Variants in CATSPERB observed in about 807,000 individuals in gnomAD.
CATSPERB encodes the protein cation channel sperm-associated auxiliary subunit beta.
Under a neutral mutation model 128.3 loss-of-function variants are expected in CATSPERB, and 93 were observed. The ratio of observed to expected loss-of-function variants is 0.72; its 90% CI spans 0.61 to 0.86. The LOEUF is 0.86. Among genes scored for constraint, CATSPERB ranks in the 40% least tolerant of loss-of-function variants. The probability of loss-of-function intolerance (pLI) is 0.00; values close to 1 mark genes in which losing one functional copy is unlikely to be tolerated. For missense variants in CATSPERB, 1,153 were observed against 1,329.5 expected, an observed-to-expected ratio of 0.87 and a Z score of 2.06; for synonymous variants, 381 against 448.8, an observed-to-expected ratio of 0.85 and a Z score of 1.91.
chr14:91,612,737 G>A (rs994100431), intron 20 of CATSPERB, among the ~76,000 whole-genome samples: 10 of 152,096 alleles, frequency 6.6e-5, no homozygotes, highest in South Asian at 2.1e-4. Context: ...TAAGAATAAC[G>A]TATTTTTATT....
intron 7 of CATSPERB, among the ~76,000 whole-genome samples, chr14:91,697,890 A>G (rs367669208): frequency 1.3e-5 from 2 of 152,194 alleles, no homozygotes. Flanking sequence ...TGAATTTTAG[A>G]CTAGTTTTTT....
At chr14:91,661,088 T>A (rs1174000696) in intron 14 of CATSPERB, among the ~76,000 whole-genome samples, 4 of 152,156 alleles carry the variant, frequency 2.6e-5, no homozygotes, top group Non-Finnish European at 5.9e-5. Flanking sequence ...CAATCCATGA[T>A]CCAAAGCATA....
At chr14:91,683,679 A>G (rs905743250) in intron 11 of CATSPERB, among the ~76,000 whole-genome samples, 198 bp downstream of exon 11, 4 of 152,270 alleles carry the variant, frequency 2.6e-5, no homozygotes, top group Non-Finnish European at 4.4e-5. Context: ...GACTCAAGAT[A>G]GCCACTGGGA....
chr14:91,601,952 A>G (rs1163234402), intron 22 of CATSPERB, among the ~76,000 whole-genome samples: 2 of 152,184 alleles, frequency 1.3e-5, no homozygotes, highest in African/African-American at 2.4e-5. Flanking sequence ...TGCATTCTAC[A>G]GTGATATTTA....
At chr14:91,657,564 T>C (rs933021151) in intron 15 of CATSPERB, among the ~76,000 whole-genome samples, 1 of 151,990 alleles carries the variant, frequency 6.6e-6, no homozygotes, top group East Asian at 1.9e-4. Context: ...AAAGAAACAA[T>C]TAACAAAGTG....
intron 4 of CATSPERB, among the ~76,000 whole-genome samples, chr14:91,719,719 C>T (rs143900022): frequency 6.6e-6 from 1 of 152,174 alleles, no homozygotes; most frequent in Non-Finnish European, 1.5e-5. Flanking sequence ...TGAAAATATT[C>T]ATCAGTTATG....
At chr14:91,700,325 G>T (rs1488867116) in intron 7 of CATSPERB, among the ~76,000 whole-genome samples, 1 of 152,100 alleles carries the variant, frequency 6.6e-6, no homozygotes, top group Non-Finnish European at 1.5e-5. Context: ...ATTTTGTCAA[G>T]AATTTTTCTG....
At chr14:91,686,792 C>G (rs1388606516) in intron 10 of CATSPERB, among the ~76,000 whole-genome samples, 3 of 152,094 alleles carry the variant, frequency 2.0e-5, no homozygotes, top group Non-Finnish European at 4.4e-5. Context: ...CATAAAATTT[C>G]TAGGTACAAA....
chr14:91,615,069 C>T (rs190297836), intron 20 of CATSPERB, among the ~76,000 whole-genome samples: 531 of 152,212 alleles, frequency 3.5e-3, no homozygotes, highest in Non-Finnish European at 6.0e-3. Flanking sequence ...CCATATTCTT[C>T]CTGTCTGAGA....
Position 91,613,839 on chromosome 14 carries a change from G to T in CATSPERB, c.2401-3162C>A, listed in dbSNP as rs372024319. Among the ~76,000 whole-genome samples, 299 of 152,236 alleles carry T rather than the reference G, an allele frequency of 2.0e-3. 1 individual carries two copies. The highest frequency in any genetic ancestry group is 6.9e-3 in the African/African-American group (285 of 41,526). ...TACTAAAAAGCACACCCTGGGTGGA[G>T]AATTTAAATGCTAATGAGAAATGTG... On this transcript the variant is annotated intron_variant, in intron 20 of 26. Coordinates refer to ENST00000256343, the MANE Select transcript of CATSPERB (RefSeq NM_024764.4).
Position 91,660,133 on chromosome 14 carries a change from C to T in CATSPERB, c.1288-152G>A, listed in dbSNP as rs1894851968. ...TCTCTCTCTCACACACACACACACA[C>T]ACACACACACACTCGTATACAGACT... On this transcript the variant is annotated intron_variant, in intron 14 of 26. Coordinates refer to ENST00000256343, the MANE Select transcript of CATSPERB (RefSeq NM_024764.4). The T allele has an allele frequency of 2.7e-5, 17 of 620,704 alleles. No individual in the cohort carries two copies. In the South Asian group the frequency reaches 3.4e-4, roughly 13 times the overall value. 38.4% of individuals were successfully genotyped at this position (620,704 alleles called of 1,614,324 possible).
rs146671666 is a variant in CATSPERB at position 91,626,039 on chromosome 14, C to G, written c.1743-1032G>C. ...ACTCAGGAGGCTGAGGCAGTGGGAT[C>G]ACTTGAGCCTGTGAGGTGGAGGTTG... On this transcript the variant is annotated intron_variant, in intron 17 of 26. Transcript: ENST00000256343. Among the ~76,000 whole-genome samples, 386 of 152,270 alleles carry G rather than the reference C, an allele frequency of 2.5e-3. 3 individuals are homozygous for G. The highest frequency in any genetic ancestry group is 8.9e-3 in the African/African-American group (370 of 41,558).
chr14:91,681,137 A>G (rs1396103629), intron 11 of CATSPERB, among the ~76,000 whole-genome samples: 2 of 152,200 alleles, frequency 1.3e-5, no homozygotes, highest in Non-Finnish European at 1.5e-5. Context: ...AGGTCCTCCT[A>G]TAACTTGTTC....
chr14:91,630,679 G>C lies in CATSPERB; in HGVS notation c.1743-5672C>G, dbSNP rs184077877. Among the ~76,000 whole-genome samples, 167 of 152,214 alleles carry C rather than the reference G, an allele frequency of 1.1e-3. 1 individual carries two copies. The highest frequency in any genetic ancestry group is 3.8e-3 in the African/African-American group (156 of 41,528). On this transcript the variant is annotated intron_variant, in intron 17 of 26. Transcript: ENST00000256343. ...GCTCCAGCACCATAATCTGTCACCT[G>C]TATTACTTTAATAACTTTCTAAGGG...
At chr14:91,633,139 G>A (rs1046630615) in intron 17 of CATSPERB, among the ~76,000 whole-genome samples, 6 of 152,114 alleles carry the variant, frequency 3.9e-5, no homozygotes, top group African/African-American at 1.4e-4. Context: ...TTCTTCAGGG[G>A]TCTTCATTTC....
chr14:91,696,742 A>T (rs1895568801), intron 7 of CATSPERB, among the ~76,000 whole-genome samples: 1 of 152,150 alleles, frequency 6.6e-6, no homozygotes, highest in African/African-American at 2.4e-5. Flanking sequence ...GAAAGATGAG[A>T]ATTGCACAAC....
intron 1 of CATSPERB, among the ~76,000 whole-genome samples, chr14:91,731,142 C>T (rs1392257395): frequency 6.6e-6 from 1 of 152,092 alleles, no homozygotes; most frequent in Non-Finnish European, 1.5e-5. Flanking sequence ...AATCTTTATG[C>T]CTCTTCATGG....
At chr14:91,703,159 T>C (rs1396204207) in intron 7 of CATSPERB, among the ~76,000 whole-genome samples, 1 of 152,166 alleles carries the variant, frequency 6.6e-6, no homozygotes, top group Non-Finnish European at 1.5e-5. Context: ...TATATTTTCC[T>C]TTATATTCAC....
intron 15 of CATSPERB, among the ~76,000 whole-genome samples, chr14:91,656,430 C>T (rs1251026260): frequency 1.3e-5 from 2 of 151,774 alleles, no homozygotes; most frequent in East Asian, 3.8e-4. Context: ...ATTATGGTAA[C>T]CTAGAATTTA....
Sources: allele counts gnomAD v4.1 joint callset (sites outside exome capture counted in the v4.1 genomes callset), GRCh38; gene constraint gnomAD v4.1.1; transcripts MANE v1.5; gene names NCBI Gene and HGNC (gene_info 2026-07-23, HGNC 2026-07-21).